SEM1: variants seen among roughly 807,000 people sequenced by gnomAD.
SEM1 encodes 26S proteasome complex subunit SEM1.
In SEM1, 3 loss-of-function variants were observed where a neutral mutation model predicts 12.7. The ratio of observed to expected loss-of-function variants is 0.24; its 90% CI spans 0.11 to 0.61. The LOEUF (loss-of-function observed/expected upper bound fraction) is 0.61, where lower values mean the gene tolerates loss of function less well. Among genes scored for constraint, SEM1 ranks in the 20% least tolerant of loss-of-function variants. SEM1 has a pLI of 0.88. For missense variants in SEM1, 59 were observed against 81.3 expected (o/e 0.73, Z 1.06); for synonymous variants, 30 against 27.8 (o/e 1.08, Z -0.25).
At chr7:96,703,972 A>ACACAC (rs1554437189) in intron 1 of SEM1, among the ~76,000 whole-genome samples, 28 of 142,182 alleles carry the variant, frequency 2.0e-4, no homozygotes, top group African/African-American at 6.7e-4. Context: ...GTCTCTTAAA[A>ACACAC]ACACACACAC....
At chr7:96,485,014 C>G (rs1456350533) in intron 2 of SEM1, among the ~76,000 whole-genome samples, 2 of 152,172 alleles carry the variant, frequency 1.3e-5, no homozygotes, top group Non-Finnish European at 2.9e-5. Flanking sequence ...ATAGCACTGA[C>G]ATGGGTGCTG....
chr7:96,518,687 C>A (rs1804174153), intron 2 of SEM1, among the ~76,000 whole-genome samples: 1 of 152,136 alleles, frequency 6.6e-6, no homozygotes, highest in Non-Finnish European at 1.5e-5. Context: ...ATCAAGTGAA[C>A]CAGTGTCATT....
intron 2 of SEM1, among the ~76,000 whole-genome samples, chr7:96,634,418 T>C (rs1386704853): frequency 6.6e-6 from 1 of 151,930 alleles, no homozygotes; most frequent in Non-Finnish European, 1.5e-5. Flanking sequence ...TTCTAGCCTA[T>C]GTCACATTCA....
downstream of SEM1, among the ~76,000 whole-genome samples, chr7:96,684,525 G>A (rs138896735): frequency 1.9e-3 from 295 of 152,140 alleles, no homozygotes; most frequent in Admixed American, 2.6e-3. Context: ...AGGGAAGAAT[G>A]GAAAAGGCAA....
intron 2 of SEM1, among the ~76,000 whole-genome samples, chr7:96,567,057 T>C (rs776972063): frequency 1.5e-4 from 22 of 151,604 alleles, no homozygotes; most frequent in Admixed American, 6.6e-5. Context: ...GTAGAACTAA[T>C]GTCACGTCAG....
exon 3 of SEM1, chr7:96,622,572 G>T (rs766915489): frequency 1.3e-6 from 1 of 763,620 alleles, no homozygotes; most frequent in Admixed American, 1.7e-5. Context: ...TTAGCTGCAT[G>T]ATCAATGTGA....
chr7:96,537,160 A>T (rs1804810429), intron 2 of SEM1, among the ~76,000 whole-genome samples: 1 of 151,728 alleles, frequency 6.6e-6, no homozygotes, highest in African/African-American at 2.4e-5. Context: ...CACCACCACT[A>T]ATGATTAGTA....
chr7:96,707,628 A>T (rs1215598275), intron 1 of SEM1, among the ~76,000 whole-genome samples: 2 of 151,498 alleles, frequency 1.3e-5, no homozygotes, highest in Non-Finnish European at 2.9e-5. Context: ...AGAAAGAATA[A>T]TTTTTTTTTG....
intron 1 of SEM1, among the ~76,000 whole-genome samples, chr7:96,707,794 T>C (rs1790516644): frequency 6.6e-6 from 1 of 152,208 alleles, no homozygotes; most frequent in Non-Finnish European, 1.5e-5. Context: ...GGTACATAGT[T>C]ATCTCTAGAT....
chr7:96,689,822 G>A (rs1446173332), intron 2 of SEM1, among the ~76,000 whole-genome samples: 3 of 152,084 alleles, frequency 2.0e-5, no homozygotes, highest in African/African-American at 2.4e-5. Context: ...ATAAACCCTG[G>A]ATTAGGAGTC....
At chr7:96,635,260 CAA>C (rs980342048) in intron 2 of SEM1, among the ~76,000 whole-genome samples, 2 of 151,946 alleles carry the variant, frequency 1.3e-5, no homozygotes, top group Non-Finnish European at 2.9e-5. Context: ...TGTGGGGAAT[CAA>C]AAGTTTCAAA....
chr7:96,644,099 G>A (rs931402935), intron 2 of SEM1, among the ~76,000 whole-genome samples: 1 of 151,730 alleles, frequency 6.6e-6, no homozygotes, highest in Admixed American at 6.6e-5. Flanking sequence ...TTGTTCTCTG[G>A]GGCTTGCTTT....
At chr7:96,638,728 T>C (rs1438903466) in intron 2 of SEM1, among the ~76,000 whole-genome samples, 2 of 151,998 alleles carry the variant, frequency 1.3e-5, no homozygotes, top group Non-Finnish European at 2.9e-5. Context: ...GTAAGCACTT[T>C]CTTTTTAATT....
intron 3 of SEM1, chr7:96,506,592 C>G (rs1046919571): frequency 6.6e-6 from 1 of 151,926 alleles, no homozygotes. Context: ...GGTTATGGAT[C>G]CCACTTATTA....
intron 2 of SEM1, among the ~76,000 whole-genome samples, chr7:96,576,138 T>C (rs1252378352): frequency 1.3e-5 from 2 of 152,228 alleles, no homozygotes; most frequent in Admixed American, 6.5e-5. Flanking sequence ...TCTGATATTA[T>C]AGCCCCTACA....
chr7:96,652,490 G>A (rs952152110), intron 2 of SEM1, among the ~76,000 whole-genome samples: 8 of 151,706 alleles, frequency 5.3e-5, no homozygotes, highest in Non-Finnish European at 1.2e-4. Context: ...AAAAAGAATA[G>A]AGAAAATTTA....
At chr7:96,518,841 C>T (rs1014350281) in intron 2 of SEM1, among the ~76,000 whole-genome samples, 32 of 152,190 alleles carry the variant, frequency 2.1e-4, no homozygotes, top group African/African-American at 7.2e-4. Context: ...TAAGCTAATA[C>T]TGTACATGCA....
chr7:96,634,809 C>T (rs369930539), intron 2 of SEM1, among the ~76,000 whole-genome samples: 4 of 151,398 alleles, frequency 2.6e-5, no homozygotes, highest in Non-Finnish European at 4.4e-5. Flanking sequence ...GGCAAGGGGG[C>T]GAGAATATGT....
At chr7:96,574,063 C>A (rs1328650382) in intron 2 of SEM1, among the ~76,000 whole-genome samples, 15 of 152,018 alleles carry the variant, frequency 9.9e-5, no homozygotes, top group Non-Finnish European at 2.2e-4. Context: ...TTAGGTATAT[C>A]TCCTAATGAT....
Sources: gnomAD v4.1 joint callset for allele counts (sites outside exome capture counted in the v4.1 genomes callset) on GRCh38, gnomAD v4.1.1 for gene constraint, MANE v1.5 for transcripts, NCBI Gene and HGNC (gene_info 2026-07-23, HGNC 2026-07-21) for gene names.